The following RALGPS1 variants were observed in gnomAD, a reference collection of about 807,000 sequenced individuals.
RALGPS1 encodes Ral GEF with PH domain and SH3 binding motif 1.
RALGPS1 carries 19 observed loss-of-function variants against 78.8 expected under a neutral mutation model. The observed-to-expected ratio is 0.24, with a 90% CI of 0.17 to 0.35. RALGPS1 has a LOEUF of 0.35. Among genes scored for constraint, RALGPS1 ranks in the 10% least tolerant of loss-of-function variants. RALGPS1 has a pLI of 1.00. For synonymous variants in RALGPS1, 228 were observed against 256.3 expected (o/e 0.89, Z 1.06); for missense variants, 454 against 688.3 (o/e 0.66, Z 3.81).
intron 8 of RALGPS1, among the ~76,000 whole-genome samples, chr9:127,162,752 A>G (rs2059092753): frequency 6.6e-6 from 1 of 152,116 alleles, no homozygotes; most frequent in East Asian, 1.9e-4. Flanking sequence ...ACTTCCAGGA[A>G]CCCAAGAGGA....
chr9:126,921,990 G>C (rs966025679), intron 1 of RALGPS1, among the ~76,000 whole-genome samples: 7 of 152,192 alleles, frequency 4.6e-5, no homozygotes, highest in African/African-American at 7.2e-5. Context: ...TTGGTGATGG[G>C]GGGCTGGGAA....
intron 1 of RALGPS1, among the ~76,000 whole-genome samples, chr9:126,960,445 G>T (rs576011945): frequency 2.0e-5 from 3 of 151,784 alleles, no homozygotes; most frequent in African/African-American, 4.8e-5. Context: ...TGTTGGCCAG[G>T]CTGTTCTCGA....
intron 5 of RALGPS1, among the ~76,000 whole-genome samples, chr9:127,037,321 C>T (rs940213377): frequency 2.6e-5 from 4 of 152,158 alleles, no homozygotes; most frequent in Non-Finnish European, 4.4e-5. Context: ...TTGGGAGAAA[C>T]GTGGTTCTAG....
chr9:127,107,967 C>A, intron 8 of RALGPS1: 1 of 1,568,550 alleles, frequency 6.4e-7, no homozygotes, highest in Admixed American at 1.7e-5. Context: ...GCATAGTGGG[C>A]AGAGGGGGTG....
chr9:127,155,881 A>G (rs1298480006), intron 8 of RALGPS1, among the ~76,000 whole-genome samples: 1 of 138,866 alleles, frequency 7.2e-6, no homozygotes, highest in African/African-American at 2.9e-5. Flanking sequence ...TAGAAAGAGA[A>G]AGAAAGAAAT....
At chr9:127,199,156 GC>G in intron 14 of RALGPS1, 90 bp downstream of exon 14, 1 of 1,218,756 alleles carries the variant, frequency 8.2e-7, no homozygotes, top group Non-Finnish European at 1.2e-6. Flanking sequence ...GACGGGCCCT[GC>G]CCCACCCACC....
chr9:127,110,848 CCACCTG>C (rs1389178687), intron 8 of RALGPS1, among the ~76,000 whole-genome samples: 5 of 152,170 alleles, frequency 3.3e-5, no homozygotes, highest in Admixed American at 2.0e-4. Context: ...CTGTTGCAAC[CCACCTG>C]CATCATTTAC....
intron 7 of RALGPS1, among the ~76,000 whole-genome samples, chr9:127,067,750 C>T (rs1401243896): frequency 1.1e-4 from 16 of 152,186 alleles, no homozygotes. Flanking sequence ...TTGGGCTTAG[C>T]CATTGACCTC....
At chr9:127,141,253 C>T (rs933797546) in intron 8 of RALGPS1, among the ~76,000 whole-genome samples, 3 of 152,044 alleles carry the variant, frequency 2.0e-5, no homozygotes, top group Admixed American at 6.5e-5. Context: ...GGTGGTCAGC[C>T]GTACAGTAAG....
At chr9:126,936,799 T>C (rs540013347) in intron 1 of RALGPS1, among the ~76,000 whole-genome samples, 1 of 150,652 alleles carries the variant, frequency 6.6e-6, no homozygotes, top group South Asian at 2.1e-4. Context: ...GGAAGTGGAG[T>C]AGAGATATGG....
intron 11 of RALGPS1, chr9:127,184,303 G>A (rs2060491943): frequency 1.8e-5 from 7 of 379,146 alleles, no homozygotes; most frequent in South Asian, 2.5e-5. Flanking sequence ...TTGGGTGACA[G>A]AGCAAGACCT....
intron 8 of RALGPS1, among the ~76,000 whole-genome samples, chr9:127,127,207 T>A (rs1269967053): frequency 1.3e-5 from 2 of 152,250 alleles, no homozygotes; most frequent in Non-Finnish European, 2.9e-5. Context: ...AGTAGACTGC[T>A]GCTTTCTGTT....
Position 127,077,184 on chromosome 9 carries a change from G to C in RALGPS1, c.610+7828G>C, listed in dbSNP as rs544045899. 2.0e-5 allele frequency among the ~76,000 whole-genome samples: 3 copies of C among 152,306 alleles called. No homozygotes were observed. In the East Asian group the frequency reaches 5.8e-4, roughly 29 times the overall value. On this transcript the variant is annotated intron_variant, in intron 8 of 18. Transcript: ENST00000259351. ...ATTTGCATTGAACACACCTCACCTTGGCTGCAGCAAGTGGCTTTGAGGAGG... is the reference window on the plus strand; with the variant it reads ...ATTTGCATTGAACACACCTCACCTTCGCTGCAGCAAGTGGCTTTGAGGAGG...
intron 14 of RALGPS1, among the ~76,000 whole-genome samples, chr9:127,202,982 C>T (rs1031878463): frequency 2.6e-5 from 4 of 152,172 alleles, no homozygotes; most frequent in South Asian, 2.1e-4. Flanking sequence ...CAACCAACCT[C>T]GGGCCCCTTG....
chr9:127,178,131 T>G, intron 11 of RALGPS1: 1 of 869,114 alleles, frequency 1.2e-6, no homozygotes. Flanking sequence ...GGAGGATGAT[T>G]GGCTGTGCAG....
chr9:127,061,730 G>A lies in RALGPS1; in HGVS notation c.484-7500G>A, dbSNP rs2049229307. ...CCTGCAGTTCCTTCTTTGGGTAATA[G>A]AGTTTGTTCTTCCCCTAGAGAGCCC... On this transcript the variant is annotated intron_variant, in intron 7 of 18. Transcript: ENST00000259351. Among the ~76,000 whole-genome samples, 3 of 152,154 alleles carry A rather than the reference G, an allele frequency of 2.0e-5. No homozygotes were observed. The South Asian group carries it at 6.2e-4, about 32-fold the overall frequency.
intron 8 of RALGPS1, among the ~76,000 whole-genome samples, chr9:127,076,910 A>G (rs2050727903): frequency 6.6e-6 from 1 of 152,232 alleles, no homozygotes. Context: ...GGAAGTGAGC[A>G]TTTTACACGA....
At chr9:126,925,936 G>T (rs981371969) in intron 1 of RALGPS1, among the ~76,000 whole-genome samples, 2 of 152,214 alleles carry the variant, frequency 1.3e-5, no homozygotes, top group African/African-American at 4.8e-5. Flanking sequence ...ATGTACTGGG[G>T]AGCCAGCATG....
In RALGPS1 at chr9:127,212,789, A is replaced by G; in HGVS notation, c.1446+70A>G. The G allele has an allele frequency of 6.5e-7, 1 of 1,527,186 alleles. No individual in the cohort carries two copies. The highest frequency in any genetic ancestry group is 1.2e-5 in the South Asian group (1 of 86,792). 94.6% of individuals were successfully genotyped at this position (1,527,186 alleles called of 1,614,324 possible). On this transcript the variant is annotated intron_variant, in intron 16 of 18. Transcript: ENST00000259351. The surrounding 1 kb of genome is among the most constrained non-coding windows in gnomAD (Gnocchi z 6.0). Reference sequence around the variant, plus strand: ...GGGAAGGGACCTCTGTGAACTGTGGAGGATGGGGGTGGGAAAGGGATCTGT... The same window carrying G: ...GGGAAGGGACCTCTGTGAACTGTGGGGGATGGGGGTGGGAAAGGGATCTGT...
Sources: gnomAD v4.1 joint callset for allele counts (sites outside exome capture counted in the v4.1 genomes callset) on GRCh38, gnomAD v4.1.1 for gene constraint, Gnocchi (gnomAD v3.1) non-coding constraint, MANE v1.5 for transcripts, NCBI Gene and HGNC (gene_info 2026-07-23, HGNC 2026-07-21) for gene names.